Variants in CNOT4 observed in about 807,000 individuals in gnomAD.
The protein encoded by CNOT4 is CCR4-NOT transcription complex subunit 4.
Under a neutral mutation model 73.8 loss-of-function variants are expected in CNOT4, and 8 were observed. That is an observed-to-expected ratio of 0.11 (90% CI 0.06 to 0.20). The LOEUF is 0.20. Ranked by LOEUF, CNOT4 falls within the 10% of genes least tolerant of loss-of-function variation. The probability of loss-of-function intolerance (pLI) is 1.00; values close to 1 mark genes in which losing one functional copy is unlikely to be tolerated. For synonymous variants in CNOT4, 293 were observed against 321.1 expected, an observed-to-expected ratio of 0.91 and a Z score of 0.94; for missense variants, 564 against 883.4, an observed-to-expected ratio of 0.64 and a Z score of 4.58.
rs149019411 is a variant in CNOT4, at chr7:135,443,996, C to T, written c.-92-5573G>A. Among the ~76,000 whole-genome samples, 381 of 151,822 alleles carry T rather than the reference C, an allele frequency of 2.5e-3. 3 individuals carry two copies. The highest frequency in any genetic ancestry group is 3.3e-3 in the Non-Finnish European group (225 of 67,976). On this transcript the variant is annotated intron_variant, in intron 1 of 11. Transcript: ENST00000541284. ...AAACCCCATCTCTACAAAAATGAGC[C>T]GGGTGTGGTAGTGCACACCTGTAGT...
chr7:135,391,854 A>G (rs1796418266), intron 10 of CNOT4, among the ~76,000 whole-genome samples: 1 of 152,078 alleles, frequency 6.6e-6, no homozygotes. Flanking sequence ...GTCAAATAAA[A>G]GCACAAAAAG....
At chr7:135,498,951 T>G (rs1382463602) in intron 1 of CNOT4, among the ~76,000 whole-genome samples, 2 of 152,214 alleles carry the variant, frequency 1.3e-5, no homozygotes, top group African/African-American at 2.4e-5. Context: ...CTCTTCAACC[T>G]ATCACCAACT....
chr7:135,396,872 A>C (rs1308981016), intron 8 of CNOT4, among the ~76,000 whole-genome samples: 1 of 152,166 alleles, frequency 6.6e-6, no homozygotes, highest in East Asian at 1.9e-4. Context: ...ATACAAACCA[A>C]TTTTAAAATG....
At chr7:135,422,647 A>G (rs549540048) in intron 2 of CNOT4, among the ~76,000 whole-genome samples, 25 of 152,304 alleles carry the variant, frequency 1.6e-4, no homozygotes, top group African/African-American at 4.6e-4. Context: ...AGTGTCCAAC[A>G]GAGTTTATGG....
chr7:135,402,920 A>T (rs1585590731), intron 7 of CNOT4, among the ~76,000 whole-genome samples: 2 of 152,178 alleles, frequency 1.3e-5, no homozygotes, highest in African/African-American at 4.8e-5. Context: ...TGATTACTTT[A>T]AAAAAATTTG....
In CNOT4 at chr7:135,363,978, A is replaced by G. The variant is rs764845164; in HGVS notation, c.1716T>C (p.Gly572=). The G allele has an allele frequency of 6.3e-7, 1 of 1,598,460 alleles. No individual in the cohort carries two copies. Among genetic ancestry groups the G allele is most frequent in the East Asian group, 2.2e-5 (1 of 44,862 alleles). ...AGGGGGAAGAAGAATTGGGCAGTCCACCAAAGTTGATGTTAATGTTGGGTA... is the reference window on the plus strand; with the variant it reads ...AGGGGGAAGAAGAATTGGGCAGTCCGCCAAAGTTGATGTTAATGTTGGGTA... ...ALLPNININF[G]GLPNSSSPSN... Residue 572 remains glycine, a synonymous_variant, in exon 11 of 12, where the codon GGT becomes GGC. Transcript: ENST00000541284. This position sits in a 1 kb window ranked among gnomAD's most constrained non-coding sequence, Gnocchi z 4.3.
At chr7:135,509,692 T>G (rs17403326) in intron 1 of CNOT4, 197 bp downstream of exon 1, 20,612 of 201,194 alleles carry the variant, frequency 0.1, 1,258 homozygotes, top group Middle Eastern at 0.14. Flanking sequence ...CCCTTTTCCT[T>G]ATGGTAACTG....
chr7:135,451,302 CTT>C (rs1342808572), intron 1 of CNOT4, among the ~76,000 whole-genome samples: 3 of 152,052 alleles, frequency 2.0e-5, no homozygotes, highest in Non-Finnish European at 4.4e-5. Flanking sequence ...TTTGTTTTGT[CTT>C]GTTTTTGTTC....
At chr7:135,495,292 G>T (rs1304838521) in intron 1 of CNOT4, among the ~76,000 whole-genome samples, 1 of 152,004 alleles carries the variant, frequency 6.6e-6, no homozygotes, top group African/African-American at 2.4e-5. Flanking sequence ...ATTACCTGAG[G>T]TCAGGAGTTT....
At chr7:135,440,643 C>T (rs1208606832) in intron 1 of CNOT4, among the ~76,000 whole-genome samples, 15 of 152,010 alleles carry the variant, frequency 9.9e-5, no homozygotes, top group South Asian at 2.1e-4. Flanking sequence ...AACTGCAGGC[C>T]GGGTGCAGTG....
At position 135,460,839 on chromosome 7, in the gene CNOT4, C is replaced by G. The variant is rs78780969; in HGVS notation, c.-92-22416G>C. 7.1e-3 allele frequency among the ~76,000 whole-genome samples: 1,074 copies of G among 152,284 alleles called. 5 individuals are homozygous for G. Among genetic ancestry groups the G allele is most frequent in the Middle Eastern group, 0.02 (6 of 294 alleles). ...AATAAGGCAACTTACGCCTGTAATTCTGAATTGCCTGAAACGGTTCTATGT... is the reference window on the plus strand; with the variant it reads ...AATAAGGCAACTTACGCCTGTAATTGTGAATTGCCTGAAACGGTTCTATGT... On this transcript the variant is annotated intron_variant, in intron 1 of 11. Coordinates refer to ENST00000541284, the MANE Select transcript of CNOT4 (RefSeq NM_001190850.2).
intron 2 of CNOT4, among the ~76,000 whole-genome samples, chr7:135,427,172 ATTAC>A (rs1197034406): frequency 1.3e-5 from 2 of 152,138 alleles, no homozygotes; most frequent in South Asian, 2.1e-4. Context: ...TTCTAGTGTA[ATTAC>A]TTAATTTCTT....
intron 1 of CNOT4, among the ~76,000 whole-genome samples, chr7:135,473,556 G>T (rs1462768468): frequency 6.6e-6 from 1 of 152,144 alleles, no homozygotes; most frequent in East Asian, 1.9e-4. Flanking sequence ...AGACCTGCCT[G>T]GGCAACATGG....
chr7:135,465,731 C>CAA (rs560717165), intron 1 of CNOT4, among the ~76,000 whole-genome samples: 6 of 142,736 alleles, frequency 4.2e-5, no homozygotes, highest in Non-Finnish European at 7.7e-5. Context: ...GTGTGTTTAA[C>CAA]AAAAAAAAAA....
At chr7:135,482,443 C>T (rs149721876) in intron 1 of CNOT4, among the ~76,000 whole-genome samples, 1 of 151,902 alleles carries the variant, frequency 6.6e-6, no homozygotes, top group African/African-American at 2.4e-5. Context: ...GTAATCCCAG[C>T]CACTCAGGAG....
chr7:135,496,631 CCT>C (rs112838755), intron 1 of CNOT4, among the ~76,000 whole-genome samples: 11,611 of 146,922 alleles, frequency 0.079, 472 homozygotes, highest in Middle Eastern at 0.13. Context: ...TCTTCCTATT[CCT>C]CTCTCTCTCT....
chr7:135,371,649 A>G (rs1008768849), intron 10 of CNOT4, among the ~76,000 whole-genome samples: 10 of 152,220 alleles, frequency 6.6e-5, no homozygotes, highest in African/African-American at 2.4e-4. Context: ...TTGAAGGAGA[A>G]TCAGATTAAT....
At chr7:135,380,351 T>C (rs1795777586) in intron 10 of CNOT4, among the ~76,000 whole-genome samples, 1 of 152,194 alleles carries the variant, frequency 6.6e-6, no homozygotes, top group Admixed American at 6.5e-5. Context: ...TGCAGAAAAA[T>C]CCTGGGTAAA....
chr7:135,432,813 G>A (rs774947566), intron 2 of CNOT4, among the ~76,000 whole-genome samples: 4 of 152,174 alleles, frequency 2.6e-5, no homozygotes, highest in South Asian at 2.1e-4. Flanking sequence ...GAGCAGATAC[G>A]GAATCCGAAG....
Sources: allele counts gnomAD v4.1 joint callset (sites outside exome capture counted in the v4.1 genomes callset), GRCh38; gene constraint gnomAD v4.1.1; non-coding constraint Gnocchi (gnomAD v3.1); transcripts MANE v1.5; gene names NCBI Gene and HGNC (gene_info 2026-07-23, HGNC 2026-07-21).